CPQ: variants seen among roughly 807,000 people sequenced by gnomAD.
The protein encoded by CPQ is carboxypeptidase Q.
Under a neutral mutation model 45.7 loss-of-function variants are expected in CPQ, and 37 were observed. The ratio of observed to expected loss-of-function variants is 0.81; its 90% CI spans 0.62 to 1.07. The LOEUF (loss-of-function observed/expected upper bound fraction) is 1.07. Among genes scored for constraint, CPQ ranks in the 50% least tolerant of loss-of-function variants. The pLI is 0.00. For missense variants in CPQ, 537 were observed against 572.9 expected, an observed-to-expected ratio of 0.94 and a Z score of 0.64; for synonymous variants, 186 against 205.8, an observed-to-expected ratio of 0.90 and a Z score of 0.82.
rs139255282 is a variant in CPQ at position 96,721,113 on chromosome 8, A to G, written c.-34-63751A>G. Among the ~76,000 whole-genome samples, 278 of 152,166 alleles carry G rather than the reference A, an allele frequency of 1.8e-3. 2 individuals are homozygous for G. The highest frequency in any genetic ancestry group is 6.3e-3 in the African/African-American group (260 of 41,516). ...CCCACGTACAGCCCATCTCTCAGCA[A>G]TGTACTTGCAGGGGGCTCCTACACG... On this transcript the variant is annotated intron_variant, in intron 1 of 7. Transcript: ENST00000220763.
chr8:96,808,104 T>A (rs1472104502), intron 2 of CPQ, among the ~76,000 whole-genome samples: 1 of 152,230 alleles, frequency 6.6e-6, no homozygotes, highest in African/African-American at 2.4e-5. Context: ...CAGATGATGT[T>A]AATTTTGTTC....
chr8:96,759,761 A>T (rs1007372037), intron 1 of CPQ, among the ~76,000 whole-genome samples: 4 of 152,226 alleles, frequency 2.6e-5, no homozygotes, highest in Non-Finnish European at 5.9e-5. Flanking sequence ...CCATGTCCTC[A>T]GCTAGTATGG....
rs569215772 is a variant in CPQ, at chr8:96,978,160, C to A, written c.961+12114C>A. Among the ~76,000 whole-genome samples, 125 of 152,170 alleles carry A rather than the reference C, an allele frequency of 8.2e-4. 3 individuals carry two copies. In the South Asian group the frequency reaches 9.7e-3, roughly 12 times the overall value. ...GTTAGTGAATGGCTTTTCTGTAAGA[C>A]CCATGGCAGATACATATTTTTTTTT... On this transcript the variant is annotated intron_variant, in intron 5 of 7. Coordinates refer to ENST00000220763, the MANE Select transcript of CPQ (RefSeq NM_016134.4).
intron 1 of CPQ, among the ~76,000 whole-genome samples, chr8:96,650,661 A>G (rs1353433883): frequency 6.6e-6 from 1 of 152,102 alleles, no homozygotes; most frequent in Non-Finnish European, 1.5e-5. Context: ...TCCTTCCCTT[A>G]TCATATCATA....
intron 1 of CPQ, among the ~76,000 whole-genome samples, chr8:96,686,579 G>T (rs1165488016): frequency 6.6e-6 from 1 of 151,830 alleles, no homozygotes; most frequent in African/African-American, 2.4e-5. Context: ...ACTTTAATGT[G>T]ATCCTGGATT....
intron 4 of CPQ, among the ~76,000 whole-genome samples, chr8:96,890,528 A>T (rs1298496491): frequency 6.6e-6 from 1 of 152,198 alleles, no homozygotes; most frequent in Non-Finnish European, 1.5e-5. Context: ...AAGGCATGGT[A>T]ATACTAAGAG....
chr8:96,819,519 T>C (rs1170969769), intron 2 of CPQ, among the ~76,000 whole-genome samples: 3 of 152,100 alleles, frequency 2.0e-5, no homozygotes, highest in African/African-American at 7.2e-5. Context: ...CTTGAAACTT[T>C]TGTAAAATTG....
At chr8:96,657,242 G>A (rs1815648734) in intron 1 of CPQ, among the ~76,000 whole-genome samples, 1 of 152,164 alleles carries the variant, frequency 6.6e-6, no homozygotes, top group Middle Eastern at 3.4e-3. Flanking sequence ...CTACTCAGGA[G>A]GCTGAGGCAG....
intron 3 of CPQ, among the ~76,000 whole-genome samples, chr8:96,855,615 G>A (rs531440465): frequency 5.9e-5 from 9 of 152,216 alleles, no homozygotes; most frequent in African/African-American, 2.2e-4. Flanking sequence ...ATTCATTCAC[G>A]AAAATGTATC....
intron 2 of CPQ, among the ~76,000 whole-genome samples, chr8:96,826,297 C>A (rs1204750673): frequency 6.6e-6 from 1 of 151,980 alleles, no homozygotes. Context: ...CCTAAGGTAT[C>A]ACATATATTC....
At chr8:97,109,463 C>A (rs1455749888) in intron 7 of CPQ, among the ~76,000 whole-genome samples, 1 of 152,046 alleles carries the variant, frequency 6.6e-6, no homozygotes, top group African/African-American at 2.4e-5. Flanking sequence ...TTCTTTTCTT[C>A]CCCTCACCCT....
At chr8:96,776,349 C>A (rs1017666763) in intron 1 of CPQ, among the ~76,000 whole-genome samples, 1 of 152,130 alleles carries the variant, frequency 6.6e-6, no homozygotes, top group Non-Finnish European at 1.5e-5. Context: ...ATCAGTGAAT[C>A]CTGTTCAGGA....
chr8:96,891,808 T>G (rs1812380974), intron 4 of CPQ, among the ~76,000 whole-genome samples: 2 of 152,180 alleles, frequency 1.3e-5, no homozygotes, highest in African/African-American at 4.8e-5. Context: ...TAGAAGGTGG[T>G]AAGTGCCACA....
chr8:97,069,684 C>A (rs983300601), intron 7 of CPQ, among the ~76,000 whole-genome samples: 1 of 152,110 alleles, frequency 6.6e-6, no homozygotes, highest in Non-Finnish European at 1.5e-5. Context: ...GCTCACCTAA[C>A]TTCTAAAAAA....
chr8:96,937,501 T>TG (rs1449858067), intron 4 of CPQ, among the ~76,000 whole-genome samples: 1 of 152,234 alleles, frequency 6.6e-6, no homozygotes, highest in East Asian at 1.9e-4. Context: ...CTCCAGGCCC[T>TG]GGGGAGCAAG....
chr8:96,833,232 G>A (rs1811482922), intron 2 of CPQ, among the ~76,000 whole-genome samples: 2 of 152,120 alleles, frequency 1.3e-5, no homozygotes, highest in South Asian at 4.1e-4. Flanking sequence ...CTAGTGATTT[G>A]CATTGGCAAC....
At position 96,785,025 on chromosome 8, in the gene CPQ, G is replaced by C. The variant is rs866659130; in HGVS notation, c.128G>C (p.Cys43Ser). 6.2e-7 allele frequency: 1 copy of C among 1,613,840 alleles called. No homozygotes were observed. Among genetic ancestry groups the C allele is most frequent in the Non-Finnish European group, 8.5e-7 (1 of 1,179,828 alleles). The change falls in exon 2 of 8, where the codon TGT becomes TCT. Residue 43 changes from cysteine (C) to serine (S), a missense_variant. By Grantham distance (112) the Cys-to-Ser change is moderately radical. Transcript: ENST00000220763. Reference sequence around the variant, plus strand: ...GAAATAAAAGAAGAAATAGCCAGCTGTGGAGATGTTGCTAAAGCAATCATC... The same window carrying C: ...GAAATAAAAGAAGAAATAGCCAGCTCTGGAGATGTTGCTAAAGCAATCATC... ...FEEIKEEIAS[C>S]GDVAKAIINL...
At position 96,879,911 on chromosome 8, in the gene CPQ, T is replaced by C. The variant is rs781535494; in HGVS notation, c.755T>C (p.Ile252Thr). Residue 252 changes from isoleucine (I) to threonine (T), a missense_variant, in exon 4 of 8, where the codon ATT becomes ACT. Physicochemically the swap from Ile to Thr is moderately conservative, Grantham distance 89 (BLOSUM62 -1). Transcript: ENST00000220763. The stretch of plus-strand genomic sequence containing the variant: ...AGAATGGCTTCTCATGGGATCAAAA[T>C]TGTCATTCAGCTAAAGATGGGGGCA... The part of the protein sequence containing the change: ...MSRMASHGIK[I>T]VIQLKMGAKT... 17 of 1,613,910 alleles carry C rather than the reference T, an allele frequency of 1.1e-5. No homozygotes were observed. Among genetic ancestry groups the C allele is most frequent in the South Asian group, 2.2e-5 (2 of 91,074 alleles).
intron 7 of CPQ, among the ~76,000 whole-genome samples, chr8:97,131,102 G>A (rs1586556392): frequency 6.6e-6 from 1 of 152,176 alleles, no homozygotes; most frequent in East Asian, 1.9e-4. Context: ...CAAGGATTAT[G>A]GTTTGAAGCA....
Sources: gnomAD v4.1 joint callset for allele counts (sites outside exome capture counted in the v4.1 genomes callset) on GRCh38, gnomAD v4.1.1 for gene constraint, MANE v1.5 for transcripts, NCBI Gene and HGNC (gene_info 2026-07-23, HGNC 2026-07-21) for gene names.